The following CADPS2 variants were observed in gnomAD, a reference collection of about 807,000 sequenced individuals.
The protein encoded by CADPS2 is calcium dependent secretion activator 2.
CADPS2 carries 93 observed loss-of-function variants against 172.5 expected under a neutral mutation model. The observed-to-expected ratio is 0.54, with a 90% CI of 0.46 to 0.64. CADPS2 has a LOEUF of 0.64. Among genes scored for constraint, CADPS2 ranks in the 30% least tolerant of loss-of-function variants. The pLI, the probability that CADPS2 is intolerant of heterozygous loss-of-function variation, is 0.00. For missense variants in CADPS2, 1,420 were observed against 1,565.9 expected (o/e 0.91, Z 1.57); for synonymous variants, 546 against 555.2 (o/e 0.98, Z 0.23).
At chr7:122,757,324 T>C (rs1449479896) in intron 1 of CADPS2, among the ~76,000 whole-genome samples, 3 of 152,068 alleles carry the variant, frequency 2.0e-5, no homozygotes, top group African/African-American at 7.2e-5. Flanking sequence ...AATTTTTGTA[T>C]TTTTTGTAGA....
intron 25 of CADPS2, among the ~76,000 whole-genome samples, chr7:122,371,934 G>T (rs1161369279): frequency 6.6e-6 from 1 of 152,106 alleles, no homozygotes; most frequent in Non-Finnish European, 1.5e-5. Flanking sequence ...ACCTTGTAGA[G>T]ATGTACAGAA....
chr7:122,545,033 G>A (rs890297969), intron 8 of CADPS2, among the ~76,000 whole-genome samples: 7 of 152,108 alleles, frequency 4.6e-5, no homozygotes, highest in Non-Finnish European at 1.0e-4. Flanking sequence ...GTAAAGAGAC[G>A]GAATAGGGAA....
At chr7:122,790,815 A>G (rs935853971) in intron 1 of CADPS2, among the ~76,000 whole-genome samples, 12 of 152,188 alleles carry the variant, frequency 7.9e-5, no homozygotes, top group African/African-American at 2.9e-4. Context: ...GAAAATTCAC[A>G]GTCATAAAAT....
chr7:122,742,338 T>G (rs2092528226), intron 1 of CADPS2, among the ~76,000 whole-genome samples: 1 of 151,776 alleles, frequency 6.6e-6, no homozygotes, highest in South Asian at 2.1e-4. Flanking sequence ...GAGGTTGCAG[T>G]GAGCCAAGAT....
At chr7:122,486,700 T>A (rs1442146486) in intron 11 of CADPS2, among the ~76,000 whole-genome samples, 1 of 152,154 alleles carries the variant, frequency 6.6e-6, no homozygotes, top group East Asian at 1.9e-4. Flanking sequence ...TTCAAAGAAG[T>A]TCTACTTTGG....
intron 1 of CADPS2, among the ~76,000 whole-genome samples, chr7:122,783,192 C>CA (rs1001289886): frequency 0.038 from 2,395 of 63,000 alleles, 34 homozygotes; most frequent in African/African-American, 0.078. Context: ...GACTCCATCT[C>CA]AAAAAAAAAA....
At chr7:122,608,196 C>T (rs2073835356) in intron 6 of CADPS2, among the ~76,000 whole-genome samples, 1 of 140,692 alleles carries the variant, frequency 7.1e-6, no homozygotes, top group Non-Finnish European at 1.5e-5. Context: ...AGCCTGGTGA[C>T]AGAGCGAGAC....
chr7:122,340,562 G>A (rs900797423), intron 28 of CADPS2, among the ~76,000 whole-genome samples: 2 of 152,168 alleles, frequency 1.3e-5, no homozygotes, highest in Non-Finnish European at 2.9e-5. Flanking sequence ...TACTACAGAT[G>A]TCAGTTTTGA....
At chr7:122,364,805 C>T (rs1283375412) in intron 25 of CADPS2, among the ~76,000 whole-genome samples, 1 of 151,606 alleles carries the variant, frequency 6.6e-6, no homozygotes, top group African/African-American at 2.4e-5. Flanking sequence ...TACAAAAACA[C>T]AACAGTCTTA....
At chr7:122,445,819 C>T (rs1294115334) in intron 15 of CADPS2, among the ~76,000 whole-genome samples, 2 of 152,024 alleles carry the variant, frequency 1.3e-5, no homozygotes, top group South Asian at 2.1e-4. Context: ...AAGAACCTGT[C>T]TCAAAAAAAT....
chr7:122,651,250 C>T lies in CADPS2; in HGVS notation c.786+11987G>A, dbSNP rs541872921. On this transcript the variant is annotated intron_variant, in intron 3 of 29. Coordinates refer to ENST00000449022, the MANE Select transcript of CADPS2 (RefSeq NM_017954.11). ...AATGAAACCTATTATCAATCACAGGCTACTAGTTGGAAAAAAAAAAAAAAA... is the reference window on the plus strand; with the variant it reads ...AATGAAACCTATTATCAATCACAGGTTACTAGTTGGAAAAAAAAAAAAAAA... Among the ~76,000 whole-genome samples, 6 of 115,728 alleles carry T rather than the reference C, an allele frequency of 5.2e-5. No individual in the cohort carries two copies. In the South Asian group the frequency reaches 1.4e-3, roughly 27 times the overall value. The allele number at this position is 115,728 out of a possible 152,430, so 75.9% of individuals were successfully genotyped here. A position where few individuals can be genotyped will look rare whatever the true frequency, so the allele number is the denominator to read the frequency against.
chr7:122,646,438 T>A (rs1306422869), intron 3 of CADPS2, among the ~76,000 whole-genome samples: 1 of 151,966 alleles, frequency 6.6e-6, no homozygotes, highest in Non-Finnish European at 1.5e-5. Context: ...TCCCCCAGTA[T>A]AACAAAAGTG....
intron 2 of CADPS2, among the ~76,000 whole-genome samples, chr7:122,672,043 G>A (rs554443145): frequency 1.6e-4 from 24 of 152,330 alleles, no homozygotes; most frequent in African/African-American, 5.8e-4. Flanking sequence ...CCAAAGGACA[G>A]AGTGAGATTA....
intron 1 of CADPS2, among the ~76,000 whole-genome samples, chr7:122,857,901 G>C (rs945109356): frequency 6.6e-6 from 1 of 152,154 alleles, no homozygotes; most frequent in Non-Finnish European, 1.5e-5. Context: ...TCGTGGTCTT[G>C]CTGACTTCAA....
intron 8 of CADPS2, among the ~76,000 whole-genome samples, chr7:122,517,837 G>C (rs1002400630): frequency 5.9e-5 from 9 of 151,804 alleles, no homozygotes; most frequent in African/African-American, 2.2e-4. Flanking sequence ...GAGGAAAATG[G>C]AGCGAAAATC....
At chr7:122,715,022 T>C (rs537321549) in intron 2 of CADPS2, among the ~76,000 whole-genome samples, 3 of 152,234 alleles carry the variant, frequency 2.0e-5, no homozygotes, top group Admixed American at 6.6e-5. Context: ...TACAGCCCTA[T>C]TGATACCTTG....
chr7:122,567,808 T>A (rs1224395070), intron 7 of CADPS2, among the ~76,000 whole-genome samples: 1 of 151,860 alleles, frequency 6.6e-6, no homozygotes, highest in Non-Finnish European at 1.5e-5. Flanking sequence ...CATTTATCAG[T>A]AACAGAGCAA....
At chr7:122,474,261 G>T in intron 13 of CADPS2, 120 bp downstream of exon 13, 4 of 1,068,046 alleles carry the variant, frequency 3.7e-6, no homozygotes, top group Non-Finnish European at 5.4e-6. Context: ...AAATGAGTCA[G>T]GAATAAAATG....
intron 9 of CADPS2, among the ~76,000 whole-genome samples, chr7:122,511,916 T>C (rs2060030207): frequency 6.6e-6 from 1 of 152,132 alleles, no homozygotes. Flanking sequence ...CTGTAGAAGA[T>C]GGCTTAAGGT....
Sources: gnomAD v4.1 joint callset for allele counts (sites outside exome capture counted in the v4.1 genomes callset) on GRCh38, gnomAD v4.1.1 for gene constraint, MANE v1.5 for transcripts, NCBI Gene and HGNC (gene_info 2026-07-23, HGNC 2026-07-21) for gene names.